The following DGKZ variants were observed in gnomAD, a reference collection of about 807,000 sequenced individuals.
DGKZ encodes the protein DAG kinase zeta.
DGKZ carries 45 observed loss-of-function variants against 142.5 expected under a neutral mutation model. That is an observed-to-expected ratio of 0.32 (90% confidence interval 0.25 to 0.40). DGKZ has a LOEUF of 0.40. DGKZ is among the 10% of genes least tolerant of loss of function. The probability of loss-of-function intolerance (pLI) is 1.00; values close to 1 mark genes in which losing one functional copy is unlikely to be tolerated. For missense variants in DGKZ, 755 were observed against 1,306.5 expected (o/e 0.58, Z 6.51); for synonymous variants, 442 against 527.0 (o/e 0.84, Z 2.21).
Position 46,367,302 on chromosome 11 carries a change from C to T in DGKZ, c.173C>T (p.Thr58Ile), listed in dbSNP as rs1394103240. The T allele has an allele frequency of 2.5e-6, 4 of 1,611,996 alleles. No individual in the cohort carries two copies. The highest frequency in any genetic ancestry group is 3.4e-6 in the Non-Finnish European group (4 of 1,179,908). ...CTTCTCCTCTCTAGGAAAGCCATCA[C>T]CAAGTCGGGCCTCCAGCACCTGGCC... The change falls in exon 2 of 31, where the codon ACC (threonine) becomes ATC (isoleucine). Residue 58 changes from threonine (T) to isoleucine (I), a missense_variant. Physicochemically the swap from Thr to Ile is moderately conservative, Grantham distance 89. Around this residue, in one of 8 missense-constraint regions of DGKZ, gnomAD observed 81 missense variants for 86.5 expected, o/e 0.94. Transcript: ENST00000527911. This position sits in a 1 kb window ranked among gnomAD's most constrained non-coding sequence, Gnocchi z 4.1.
chr11:46,378,550 T>A (rs1944826103), intron 27 of DGKZ, 50 bp downstream of exon 27: 2 of 1,610,948 alleles, frequency 1.2e-6, no homozygotes, highest in Non-Finnish European at 1.7e-6. Context: ...CCTCGGGCCC[T>A]GGGGAGCGAG....
intron 1 of DGKZ, among the ~76,000 whole-genome samples, chr11:46,357,238 C>A (rs1301105332): frequency 6.6e-6 from 1 of 152,128 alleles, no homozygotes; most frequent in Non-Finnish European, 1.5e-5. Context: ...AGCCCCCAAG[C>A]CTCTGAGACA....
At chr11:46,366,956 G>C in intron 1 of DGKZ, 1 of 1,536,772 alleles carries the variant, frequency 6.5e-7, no homozygotes, top group Non-Finnish European at 8.7e-7. Context: ...CAAGGCGGCC[G>C]GACCCCAGGC....
intron 1 of DGKZ, among the ~76,000 whole-genome samples, chr11:46,339,050 C>T (rs750164546): frequency 2.0e-5 from 3 of 152,268 alleles, no homozygotes; most frequent in Non-Finnish European, 4.4e-5. Flanking sequence ...GCTGAGCATG[C>T]GCGCATGTCC....
chr11:46,375,691 CTTGA>C, intron 20 of DGKZ, 60 bp downstream of exon 20: 1 of 1,515,744 alleles, frequency 6.6e-7, no homozygotes, highest in Non-Finnish European at 8.9e-7. Flanking sequence ...CTCTCTGGGC[CTTGA>C]TTTCCCCATC....
At chr11:46,346,951 CGTTT>C (rs991591568), upstream of DGKZ, among the ~76,000 whole-genome samples, 8 of 152,146 alleles carry the variant, frequency 5.3e-5, no homozygotes, top group East Asian at 1.9e-4. Flanking sequence ...GGGAAGTGTT[CGTTT>C]AAGTAATGAG....
upstream of DGKZ, among the ~76,000 whole-genome samples, chr11:46,342,756 T>C (rs970493411): frequency 6.6e-6 from 1 of 152,214 alleles, no homozygotes; most frequent in African/African-American, 2.4e-5. Context: ...TTCTCACTTC[T>C]ACCACTTACC....
chr11:46,367,422 G>A lies in DGKZ; in HGVS notation c.270+23G>A. ...AGCGTGAGTGCCTGAACACCCCTGG[G>A]TCCCAGACCCTCTGGGCTCTTGGCC... On this transcript the variant is annotated intron_variant, in intron 2 of 30. Coordinates refer to ENST00000527911, the Ensembl canonical transcript of DGKZ. This position sits in a 1 kb window ranked among gnomAD's most constrained non-coding sequence, Gnocchi z 4.1. The A allele has an allele frequency of 6.2e-7, 1 of 1,608,964 alleles. No individual in the cohort carries two copies. The highest frequency in any genetic ancestry group is 1.1e-5 in the South Asian group (1 of 90,926).
chr11:46,347,690 C>G lies in DGKZ; in HGVS notation c.31C>G (p.Arg11Gly). ...GCCGCGGGACGGTAGCCCCGAGGCC[C>G]GGAGCAGCGACTCCGAGTCGGCTTC... is the stretch of plus-strand genomic sequence containing the variant. Residue 11 changes from arginine to glycine, a missense_variant, in exon 1 of 31, where the codon CGG becomes GGG. Transcript: ENST00000527911. This position sits in a 1 kb window ranked among gnomAD's most constrained non-coding sequence, Gnocchi z 6.4. 9 of 1,453,540 alleles carry G rather than the reference C, an allele frequency of 6.2e-6. No homozygotes were observed. The highest frequency in any genetic ancestry group is 8.1e-6 in the Non-Finnish European group (9 of 1,107,310). 90.0% of individuals were successfully genotyped at this position (1,453,540 alleles called of 1,614,324 possible). A position where few individuals can be genotyped will look rare whatever the true frequency, so the allele number is the denominator to read the frequency against.
chr11:46,370,416 T>G (rs1943814677), intron 6 of DGKZ, among the ~76,000 whole-genome samples: 1 of 152,184 alleles, frequency 6.6e-6, no homozygotes, highest in Admixed American at 6.5e-5. Context: ...CCACAGTTGT[T>G]TGGTTCACTT....
intron 24 of DGKZ, 112 bp downstream of exon 24, chr11:46,376,676 C>T (rs919083562): frequency 4.3e-5 from 59 of 1,387,494 alleles, no homozygotes; most frequent in Admixed American, 1.6e-4. Context: ...TGTCCTCATG[C>T]CTCTGAGAGC....
At chr11:46,376,247 G>A (rs1003276901) in intron 22 of DGKZ, 81 bp from the exon 23 acceptor site, 19 of 1,607,280 alleles carry the variant, frequency 1.2e-5, no homozygotes, top group East Asian at 2.2e-5. Flanking sequence ...AGCCTCCTCT[G>A]TGCTGGTTCC....
At chr11:46,380,138 T>TC (rs1216115698) in exon 31 of DGKZ, 2 of 589,366 alleles carry the variant, frequency 3.4e-6, no homozygotes, top group Non-Finnish European at 5.9e-6. Flanking sequence ...CCTCACCTGT[T>TC]CCCCTGAGGA....
At chr11:46,355,733 G>C (rs1208708377) in intron 1 of DGKZ, among the ~76,000 whole-genome samples, 1 of 151,918 alleles carries the variant, frequency 6.6e-6, no homozygotes, top group African/African-American at 2.4e-5. Context: ...GTTGAGGGGG[G>C]AGGTGTTAAA....
At chr11:46,360,424 A>C (rs1039048154) in intron 1 of DGKZ, among the ~76,000 whole-genome samples, 4 of 150,998 alleles carry the variant, frequency 2.6e-5, no homozygotes, top group African/African-American at 9.7e-5. Context: ...TGCTGAACAC[A>C]TGGAGGTTCC....
chr11:46,345,349 C>A (rs950481478), upstream of DGKZ: 62 of 1,391,314 alleles, frequency 4.5e-5, no homozygotes, highest in Admixed American at 2.5e-4. This position sits in a 1 kb window ranked among gnomAD's most constrained non-coding sequence, Gnocchi z 4.1. Context: ...TCTAGCAGGC[C>A]CCCCCCTCGA....
At chr11:46,341,008 T>A (rs1033704135) in intron 1 of DGKZ, among the ~76,000 whole-genome samples, 6 of 152,084 alleles carry the variant, frequency 3.9e-5, no homozygotes, top group African/African-American at 1.4e-4. Flanking sequence ...AATTGCCAGG[T>A]GTGGTGGGAC....
At chr11:46,368,200 G>A in intron 4 of DGKZ, 121 bp downstream of exon 4, 1 of 1,032,526 alleles carries the variant, frequency 9.7e-7, no homozygotes, top group Non-Finnish European at 1.5e-6. Flanking sequence ...ACTCGGGGGT[G>A]AAGAGTCAAG....
intron 1 of DGKZ, among the ~76,000 whole-genome samples, chr11:46,362,346 G>C (rs541580166): frequency 6.6e-6 from 1 of 152,192 alleles, no homozygotes; most frequent in Non-Finnish European, 1.5e-5. Context: ...CTCATGGCAC[G>C]AGCAGATACC....
Sources: gnomAD v4.1 joint callset for allele counts (sites outside exome capture counted in the v4.1 genomes callset) on GRCh38, gnomAD v4.1.1 for gene constraint, gnomAD v4.1.1 regional missense constraint, Gnocchi (gnomAD v3.1) non-coding constraint, MANE v1.5 for transcripts, NCBI Gene and HGNC (gene_info 2026-07-23, HGNC 2026-07-21) for gene names.